Variants in USH2A observed in about 807,000 individuals in gnomAD.
The protein encoded by USH2A is usherin, also known as Usher syndrome 2A (autosomal recessive, mild).
USH2A carries 443 observed loss-of-function variants against 538.9 expected under a neutral mutation model. The ratio of observed to expected loss-of-function variants is 0.82; its 90% confidence interval spans 0.76 to 0.89. The LOEUF (loss-of-function observed/expected upper bound fraction) is 0.89, where lower values mean the gene tolerates loss of function less well. Among genes scored for constraint, USH2A ranks in the 40% least tolerant of loss-of-function variants. The pLI, the probability that USH2A is intolerant of heterozygous loss-of-function variation, is 0.00. For missense variants in USH2A, 6,633 were observed against 6,324.8 expected (o/e 1.05, Z -1.65); for synonymous variants, 2,413 against 2,273.5 (o/e 1.06, Z -1.75).
intron 41 of USH2A, 83 bp from the exon 42 acceptor site, chr1:215,879,181 T>C: frequency 1.6e-6 from 2 of 1,213,896 alleles, no homozygotes; most frequent in South Asian, 1.2e-5. Flanking sequence ...AATTTTGCTC[T>C]TGTTTTCAGT....
At chr1:215,948,443 T>TACAC (rs59062172) in intron 37 of USH2A, among the ~76,000 whole-genome samples, 16 of 147,246 alleles carry the variant, frequency 1.1e-4, no homozygotes, top group East Asian at 4.0e-4. Flanking sequence ...TATATATATA[T>TACAC]ACACACACAC....
At chr1:215,696,901 T>C (rs1658828227) in intron 61 of USH2A, among the ~76,000 whole-genome samples, 1 of 152,142 alleles carries the variant, frequency 6.6e-6, no homozygotes, top group East Asian at 1.9e-4. Flanking sequence ...CAGATCTCAG[T>C]GAGAGGATGC....
chr1:216,414,413 G>A (rs2039542800), intron 3 of USH2A, among the ~76,000 whole-genome samples: 1 of 151,942 alleles, frequency 6.6e-6, no homozygotes, highest in Non-Finnish European at 1.5e-5. Flanking sequence ...GCAATATTGA[G>A]CATATTGTCT....
chr1:216,412,863 T>C (rs936931442), intron 3 of USH2A, among the ~76,000 whole-genome samples: 1 of 152,008 alleles, frequency 6.6e-6, no homozygotes, highest in African/African-American at 2.4e-5. Context: ...GGCTAATTTT[T>C]TAAAATCTCT....
intron 44 of USH2A, among the ~76,000 whole-genome samples, chr1:215,860,522 T>C (rs766477993): frequency 6.6e-6 from 1 of 152,198 alleles, no homozygotes; most frequent in Non-Finnish European, 1.5e-5. Flanking sequence ...CCACAATTAC[T>C]TTTGTGCCAA....
chr1:216,232,050 G>A lies in USH2A; in HGVS notation c.2896C>T (p.Leu966=), dbSNP rs1226972740. The A allele has an allele frequency of 6.2e-7, 1 of 1,614,058 alleles. No homozygotes were observed. The highest frequency in any genetic ancestry group is 2.2e-5 in the East Asian group (1 of 44,866). The change falls in exon 14 of 72, where the codon CTG becomes TTG. Residue 966 remains leucine, a synonymous_variant. Transcript: ENST00000307340. The stretch of plus-strand genomic sequence containing the variant: ...TCTTGGCAAACACACTGACCAGTCA[G>A]GCTATTACAGATGTGATTAACTGCA... ...TGAVNHICNS[L]TGQCVCQDAS...
At chr1:216,356,584 A>C (rs2038395801) in intron 4 of USH2A, among the ~76,000 whole-genome samples, 1 of 152,068 alleles carries the variant, frequency 6.6e-6, no homozygotes, top group East Asian at 1.9e-4. Flanking sequence ...TGTACTATAC[A>C]ATCTTGTTTG....
At chr1:215,862,933 T>A (rs1208057839) in intron 44 of USH2A, among the ~76,000 whole-genome samples, 1 of 152,148 alleles carries the variant, frequency 6.6e-6, no homozygotes, top group Non-Finnish European at 1.5e-5. Context: ...GCATACAATG[T>A]TGGCGGTTGT....
At chr1:215,749,592 GC>G (rs1660568412) in intron 58 of USH2A, among the ~76,000 whole-genome samples, 1 of 152,140 alleles carries the variant, frequency 6.6e-6, no homozygotes, top group African/African-American at 2.4e-5. Context: ...AAATGACTGA[GC>G]CCCCTGGTAT....
rs1175008151 is a variant in USH2A at position 216,289,264 on chromosome 1, A to G, written c.1971+16T>C. The G allele has an allele frequency of 6.2e-7, 1 of 1,613,578 alleles. No individual in the cohort carries two copies. Among genetic ancestry groups the G allele is most frequent in the Non-Finnish European group, 8.5e-7 (1 of 1,179,674 alleles). On this transcript the variant is annotated intron_variant, in intron 11 of 71. Coordinates refer to ENST00000307340, the MANE Select transcript of USH2A (RefSeq NM_206933.4). ...GACAGAGTAATCCTTTACCTTAAATACTCAGAAAAACTCACCTGATCACAA... is the reference window on the plus strand; with the variant it reads ...GACAGAGTAATCCTTTACCTTAAATGCTCAGAAAAACTCACCTGATCACAA...
intron 65 of USH2A, among the ~76,000 whole-genome samples, chr1:215,649,473 C>G (rs918423146): frequency 1.3e-5 from 2 of 152,156 alleles, no homozygotes; most frequent in African/African-American, 4.8e-5. Flanking sequence ...TTAAGAAGAG[C>G]TGTTAAAAAA....
intron 64 of USH2A, among the ~76,000 whole-genome samples, chr1:215,656,135 T>A (rs1426750842): frequency 6.6e-6 from 1 of 152,252 alleles, no homozygotes; most frequent in African/African-American, 2.4e-5. Context: ...GTCTTTCTAA[T>A]GCCTGTATTG....
intron 9 of USH2A, among the ~76,000 whole-genome samples, chr1:216,318,589 G>T (rs1232771317): frequency 1.2e-4 from 19 of 152,102 alleles, no homozygotes; most frequent in Admixed American, 1.2e-3. Context: ...AGCTGCATTT[G>T]CATTTGCCAA....
intron 58 of USH2A, among the ~76,000 whole-genome samples, chr1:215,747,425 T>C (rs1184445255): frequency 6.6e-6 from 1 of 152,198 alleles, no homozygotes; most frequent in East Asian, 1.9e-4. Flanking sequence ...AATTCACCAC[T>C]CCACGACAAA....
At chr1:215,759,366 C>T (rs904039907) in intron 57 of USH2A, among the ~76,000 whole-genome samples, 14 of 151,892 alleles carry the variant, frequency 9.2e-5, no homozygotes, top group African/African-American at 3.1e-4. Context: ...TTCAAGGATG[C>T]GTGTTTTTGA....
At chr1:216,112,582 T>A (rs1310159124) in intron 21 of USH2A, among the ~76,000 whole-genome samples, 1 of 152,078 alleles carries the variant, frequency 6.6e-6, no homozygotes, top group Non-Finnish European at 1.5e-5. Flanking sequence ...TAATACCCAA[T>A]AATTATCTTT....
At chr1:215,971,705 A>G in intron 35 of USH2A, among the ~76,000 whole-genome samples, 1 of 152,322 alleles carries the variant, frequency 6.6e-6, no homozygotes. Flanking sequence ...CAAGAATTAT[A>G]AATGCTATCA....
chr1:216,122,305 G>A (rs1377753531), intron 21 of USH2A, among the ~76,000 whole-genome samples: 1 of 152,162 alleles, frequency 6.6e-6, no homozygotes. Flanking sequence ...ATGTTTCAGG[G>A]ATCCAAGAGA....
intron 9 of USH2A, among the ~76,000 whole-genome samples, chr1:216,309,098 T>C (rs2037373906): frequency 6.6e-6 from 1 of 152,220 alleles, no homozygotes; most frequent in Non-Finnish European, 1.5e-5. Flanking sequence ...TTCTAGACGA[T>C]TGTAAAACCT....
Sources: gnomAD v4.1 joint callset for allele counts (sites outside exome capture counted in the v4.1 genomes callset) on GRCh38, gnomAD v4.1.1 for gene constraint, MANE v1.5 for transcripts, NCBI Gene and HGNC (gene_info 2026-07-23, HGNC 2026-07-21) for gene names.